Variants in GNAZ observed in about 807,000 individuals in gnomAD.
GNAZ encodes the protein G protein subunit alpha z, also known as guanine nucleotide-binding protein G(z) subunit alpha.
GNAZ carries 3 observed loss-of-function variants against 25.4 expected under a neutral mutation model. The observed-to-expected ratio is 0.12, with a 90% CI of 0.05 to 0.30. The LOEUF (loss-of-function observed/expected upper bound fraction) is 0.30, where lower values mean the gene tolerates loss of function less well. Among genes scored for constraint, GNAZ ranks in the 10% least tolerant of loss-of-function variants. The pLI, the probability that GNAZ is intolerant of heterozygous loss-of-function variation, is 1.00. For synonymous variants in GNAZ, 211 were observed against 205.7 expected, an observed-to-expected ratio of 1.03 and a Z score of -0.22; for missense variants, 241 against 501.8, an observed-to-expected ratio of 0.48 and a Z score of 4.97.
chr22:23,106,711 G>C (rs150768181), intron 2 of GNAZ, among the ~76,000 whole-genome samples: 1 of 152,364 alleles, frequency 6.6e-6, no homozygotes, highest in Non-Finnish European at 1.5e-5. Context: ...GGCAGAGCCT[G>C]GCGCAGGGCA....
At chr22:23,118,315 G>A (rs1009494215) in intron 2 of GNAZ, among the ~76,000 whole-genome samples, 3 of 152,350 alleles carry the variant, frequency 2.0e-5, no homozygotes, top group Admixed American at 6.5e-5. Flanking sequence ...TGTCTGCTCC[G>A]TGTTATTTAT....
chr22:23,077,861 G>C (rs924298251), intron 1 of GNAZ, among the ~76,000 whole-genome samples: 1 of 152,158 alleles, frequency 6.6e-6, no homozygotes, highest in Non-Finnish European at 1.5e-5. Context: ...TGAACTGGTG[G>C]TACCTCACCC....
intron 1 of GNAZ, among the ~76,000 whole-genome samples, chr22:23,079,591 CA>C (rs1253778249): frequency 6.6e-6 from 1 of 152,152 alleles, no homozygotes; most frequent in Non-Finnish European, 1.5e-5. Flanking sequence ...AGGTTTCAAG[CA>C]CAAGTGAGAC....
At position 23,123,258 on chromosome 22, in the gene GNAZ, G is replaced by A. The variant is rs995670740; in HGVS notation, c.895G>A (p.Glu299Lys). The change falls in exon 3 of 3, where the codon GAG becomes AAG. Residue 299 changes from glutamate to lysine, a missense_variant. Physicochemically the swap from Glu to Lys is moderately conservative, Grantham distance 56 (BLOSUM62 1). Transcript: ENST00000615612. ...GTACAAGGGCCAGAACACGTACGAGGAGGCCGCTGTCTACATCCAGCGGCA... is the reference window on the plus strand; with the variant it reads ...GTACAAGGGCCAGAACACGTACGAGAAGGCCGCTGTCTACATCCAGCGGCA... ...PEYKGQNTYEEAAVYIQRQFE... is the reference protein window; with the variant it reads ...PEYKGQNTYEKAAVYIQRQFE... The A allele has an allele frequency of 6.2e-7, 1 of 1,614,096 alleles. No individual in the cohort carries two copies. The highest frequency in any genetic ancestry group is 1.1e-5 in the South Asian group (1 of 91,076).
intron 1 of GNAZ, among the ~76,000 whole-genome samples, 153 bp from the exon 2 acceptor site, chr22:23,095,094 G>A (rs547030600): frequency 6.6e-6 from 1 of 152,322 alleles, no homozygotes; most frequent in African/African-American, 2.4e-5. Flanking sequence ...GCCCTACAGC[G>A]CCCCATGGAG....
At chr22:23,090,508 C>A (rs2068942140) in intron 1 of GNAZ, among the ~76,000 whole-genome samples, 1 of 152,174 alleles carries the variant, frequency 6.6e-6, no homozygotes, top group Non-Finnish European at 1.5e-5. Context: ...GCACTTCTCA[C>A]CCAAACCCTG....
intron 1 of GNAZ, among the ~76,000 whole-genome samples, chr22:23,079,072 A>G (rs988743549): frequency 6.6e-6 from 1 of 152,210 alleles, no homozygotes; most frequent in African/African-American, 2.4e-5. Flanking sequence ...GCTTGGTGCT[A>G]GGTCCATGTG....
chr22:23,085,584 G>A (rs1337772567), intron 1 of GNAZ, among the ~76,000 whole-genome samples: 1 of 152,182 alleles, frequency 6.6e-6, no homozygotes, highest in East Asian at 1.9e-4. Flanking sequence ...GACCCACTTT[G>A]CTGAGATAAG....
intron 1 of GNAZ, among the ~76,000 whole-genome samples, chr22:23,090,564 C>G (rs151254165): frequency 2.4e-4 from 37 of 152,320 alleles, no homozygotes; most frequent in African/African-American, 8.2e-4. Context: ...CCTCTTGGCA[C>G]CAGCCACATG....
At chr22:23,116,522 C>T (rs2069840766) in intron 2 of GNAZ, among the ~76,000 whole-genome samples, 1 of 152,350 alleles carries the variant, frequency 6.6e-6, no homozygotes, top group Middle Eastern at 3.4e-3. Context: ...ATGGTCTTAG[C>T]AGGACACCTG....
chr22:23,078,561 G>C (rs1282324576), intron 1 of GNAZ, among the ~76,000 whole-genome samples: 1 of 152,214 alleles, frequency 6.6e-6, no homozygotes, highest in Non-Finnish European at 1.5e-5. Flanking sequence ...GGCTGTTCTG[G>C]GGCTCTCCCT....
intron 2 of GNAZ, among the ~76,000 whole-genome samples, chr22:23,114,450 C>T (rs745583026): frequency 6.6e-6 from 1 of 152,206 alleles, no homozygotes; most frequent in Non-Finnish European, 1.5e-5. Context: ...CTGCCAGCCC[C>T]TCCTGCAATG....
chr22:23,102,302 A>AG (rs887514536), intron 2 of GNAZ, among the ~76,000 whole-genome samples: 13 of 152,074 alleles, frequency 8.5e-5, no homozygotes, highest in African/African-American at 3.1e-4. Flanking sequence ...CCAAGATGGG[A>AG]GGGGGATGAG....
At chr22:23,083,810 C>T (rs990293265) in intron 1 of GNAZ, among the ~76,000 whole-genome samples, 1 of 152,228 alleles carries the variant, frequency 6.6e-6, no homozygotes, top group African/African-American at 2.4e-5. Context: ...GCACACCACA[C>T]CTGTTCAAGG....
intron 1 of GNAZ, among the ~76,000 whole-genome samples, chr22:23,093,089 G>A (rs561039299): frequency 1.3e-5 from 2 of 152,346 alleles, no homozygotes; most frequent in Non-Finnish European, 2.9e-5. Context: ...ATGCGCTCAT[G>A]GTTCGTGTGC....
At chr22:23,092,208 C>T (rs1161207811) in intron 1 of GNAZ, among the ~76,000 whole-genome samples, 2 of 152,154 alleles carry the variant, frequency 1.3e-5, no homozygotes, top group East Asian at 1.9e-4. Flanking sequence ...CAGTAAAGCC[C>T]GGGTTAGACT....
chr22:23,081,150 G>A (rs143414442), intron 1 of GNAZ, among the ~76,000 whole-genome samples: 133 of 152,312 alleles, frequency 8.7e-4, no homozygotes, highest in African/African-American at 3.0e-3. Context: ...GGTTTGGTGT[G>A]GGCAAGCCAA....
chr22:23,078,916 T>C (rs1472062099), intron 1 of GNAZ, among the ~76,000 whole-genome samples: 1 of 152,196 alleles, frequency 6.6e-6, no homozygotes, highest in Non-Finnish European at 1.5e-5. Flanking sequence ...GGGCGGGGGC[T>C]GTGCGTCTAC....
At chr22:23,083,784 C>T (rs755349684) in intron 1 of GNAZ, among the ~76,000 whole-genome samples, 2 of 152,206 alleles carry the variant, frequency 1.3e-5, no homozygotes, top group Non-Finnish European at 2.9e-5. Flanking sequence ...AGTCCAGTCC[C>T]ACTGCCGAAC....
Sources: gnomAD v4.1 joint callset for allele counts (sites outside exome capture counted in the v4.1 genomes callset) on GRCh38, gnomAD v4.1.1 for gene constraint, MANE v1.5 for transcripts, NCBI Gene and HGNC (gene_info 2026-07-23, HGNC 2026-07-21) for gene names.